The following MAP2K1 variants were observed in gnomAD, a reference collection of about 807,000 sequenced individuals.
MAP2K1 encodes mitogen-activated protein kinase kinase 1.
Under a neutral mutation model 46.3 loss-of-function variants are expected in MAP2K1, and 16 were observed. The observed-to-expected ratio is 0.35, with a 90% CI of 0.23 to 0.52. MAP2K1 has a LOEUF of 0.52. Ranked by LOEUF, MAP2K1 falls within the 20% of genes least tolerant of loss-of-function variation. The pLI is 0.94. For synonymous variants in MAP2K1, 183 were observed against 185.6 expected, an observed-to-expected ratio of 0.99 and a Z score of 0.11; for missense variants, 263 against 497.1, an observed-to-expected ratio of 0.53 and a Z score of 4.48.
chr15:66,467,360 A>G (rs1464171518), intron 5 of MAP2K1, among the ~76,000 whole-genome samples: 1 of 152,230 alleles, frequency 6.6e-6, no homozygotes, highest in South Asian at 2.1e-4. Context: ...GGGCATAGAC[A>G]GAACTAACTT....
At chr15:66,466,800 T>C (rs893034468) in intron 5 of MAP2K1, among the ~76,000 whole-genome samples, 1 of 152,156 alleles carries the variant, frequency 6.6e-6, no homozygotes, top group Non-Finnish European at 1.5e-5. Flanking sequence ...ATTACTTCAG[T>C]CTCCTGTAAG....
chr15:66,409,574 A>G (rs2093406356), intron 1 of MAP2K1, among the ~76,000 whole-genome samples: 1 of 152,204 alleles, frequency 6.6e-6, no homozygotes, highest in Non-Finnish European at 1.5e-5. Flanking sequence ...GGCCACAGAC[A>G]GGATTCTCAG....
At chr15:66,423,198 G>A (rs2093447919) in intron 1 of MAP2K1, among the ~76,000 whole-genome samples, 2 of 152,026 alleles carry the variant, frequency 1.3e-5, no homozygotes, top group South Asian at 2.1e-4. Flanking sequence ...CTGATGCCAC[G>A]TTTTTAAAAT....
At chr15:66,479,758 G>C (rs116917702) in intron 5 of MAP2K1, among the ~76,000 whole-genome samples, 1 of 152,190 alleles carries the variant, frequency 6.6e-6, no homozygotes, top group East Asian at 1.9e-4. Context: ...GACAGCCAAC[G>C]TCCTGCCCTC....
At chr15:66,402,024 A>T in intron 1 of MAP2K1, 1 of 1,324,310 alleles carries the variant, frequency 7.6e-7, no homozygotes, top group Non-Finnish European at 9.9e-7. Context: ...CTTTCTGATC[A>T]TTTTAAAGTA....
At chr15:66,392,578 A>C (rs981030965) in intron 1 of MAP2K1, among the ~76,000 whole-genome samples, 3 of 106,218 alleles carry the variant, frequency 2.8e-5, no homozygotes, top group Non-Finnish European at 5.7e-5. Context: ...TTTGAGATGG[A>C]GTTTTGCTCT....
intron 1 of MAP2K1, chr15:66,415,049 C>T (rs2140543540): frequency 2.0e-6 from 1 of 497,622 alleles, no homozygotes; most frequent in Non-Finnish European, 4.0e-6. Flanking sequence ...TTCTTCATGT[C>T]AATGCACTGC....
chr15:66,437,572 C>T (rs942763583), intron 3 of MAP2K1, among the ~76,000 whole-genome samples: 1 of 152,316 alleles, frequency 6.6e-6, no homozygotes, highest in South Asian at 2.1e-4. Flanking sequence ...GTTGTGCTTT[C>T]AGTCCAGTAT....
intron 3 of MAP2K1, 61 bp from the exon 4 acceptor site, chr15:66,443,219 T>A (rs2093509755): frequency 5.3e-6 from 6 of 1,134,764 alleles, no homozygotes; most frequent in Admixed American, 1.7e-5. Flanking sequence ...CAGCCGAAAG[T>A]TATCACTTGA....
chr15:66,423,807 A>G (rs547270268), intron 1 of MAP2K1, among the ~76,000 whole-genome samples: 1 of 151,880 alleles, frequency 6.6e-6, no homozygotes, highest in South Asian at 2.1e-4. Flanking sequence ...GGGTTTCACC[A>G]TGTTGGTCAG....
chr15:66,449,692 C>T (rs75314075), intron 5 of MAP2K1, among the ~76,000 whole-genome samples: 15,230 of 152,074 alleles, frequency 0.1, 909 homozygotes, highest in East Asian at 0.31. Flanking sequence ...ACCAGCCTGG[C>T]CAACATGGTG....
chr15:66,389,366 C>T (rs2093351440), intron 1 of MAP2K1, among the ~76,000 whole-genome samples: 1 of 152,092 alleles, frequency 6.6e-6, no homozygotes, highest in Non-Finnish European at 1.5e-5. Flanking sequence ...AGTAGAAGTA[C>T]CTGTTATCAT....
At chr15:66,437,729 C>T (rs1259252929) in intron 3 of MAP2K1, among the ~76,000 whole-genome samples, 1 of 152,206 alleles carries the variant, frequency 6.6e-6, no homozygotes, top group Non-Finnish European at 1.5e-5. Context: ...TTATTTTGAA[C>T]CTCTCTTCAT....
intron 5 of MAP2K1, among the ~76,000 whole-genome samples, chr15:66,470,880 A>G (rs1404457165): frequency 6.6e-6 from 1 of 152,190 alleles, no homozygotes; most frequent in African/African-American, 2.4e-5. Context: ...TGGTCCAAGC[A>G]CAGGTTGGTT....
intron 5 of MAP2K1, among the ~76,000 whole-genome samples, chr15:66,474,022 A>G (rs1483512142): frequency 2.0e-5 from 3 of 152,174 alleles, no homozygotes; most frequent in Non-Finnish European, 2.9e-5. Flanking sequence ...TGTGCCAATG[A>G]AAAGCAAATC....
chr15:66,489,821 T>C (rs1378473691), intron 10 of MAP2K1, 58 bp downstream of exon 10: 2 of 1,420,774 alleles, frequency 1.4e-6, no homozygotes, highest in Admixed American at 1.7e-5. Flanking sequence ...TTCTTCTCTG[T>C]CAGTCATCTG....
intron 1 of MAP2K1, 27 bp downstream of exon 1, chr15:66,387,454 C>G: frequency 6.5e-7 from 1 of 1,549,510 alleles, no homozygotes; most frequent in South Asian, 1.2e-5. Flanking sequence ...CGGTGAACCT[C>G]GGGGCCCGGC....
intron 1 of MAP2K1, among the ~76,000 whole-genome samples, chr15:66,421,121 CACACATAT>C (rs760126198): frequency 5.1e-4 from 59 of 115,508 alleles, no homozygotes; most frequent in Admixed American, 6.8e-4. Flanking sequence ...CACACACACA[CACACATAT>C]ATATATATAT....
chr15:66,391,510 G>A (rs571924850), intron 1 of MAP2K1, among the ~76,000 whole-genome samples: 4 of 152,262 alleles, frequency 2.6e-5, no homozygotes, highest in Admixed American at 6.5e-5. Context: ...GGATGGTCTC[G>A]ATCTCCTGAT....
Sources: gnomAD v4.1 joint callset for allele counts (sites outside exome capture counted in the v4.1 genomes callset) on GRCh38, gnomAD v4.1.1 for gene constraint, MANE v1.5 for transcripts, NCBI Gene and HGNC (gene_info 2026-07-23, HGNC 2026-07-21) for gene names.